RPAP2: variants seen among roughly 807,000 people sequenced by gnomAD.
RPAP2 encodes putative RNA polymerase II subunit B1 CTD phosphatase RPAP2.
In RPAP2, 52 loss-of-function variants were observed where a neutral mutation model predicts 73.1. That is an observed-to-expected ratio of 0.71 (90% CI 0.57 to 0.90). The LOEUF (loss-of-function observed/expected upper bound fraction) is 0.90, where lower values mean the gene tolerates loss of function less well. Among genes scored for constraint, RPAP2 ranks in the 40% least tolerant of loss-of-function variants. The pLI, the probability that RPAP2 is intolerant of heterozygous loss-of-function variation, is 0.00. For synonymous variants in RPAP2, 225 were observed against 242.1 expected, an observed-to-expected ratio of 0.93 and a Z score of 0.65; for missense variants, 598 against 701.8, an observed-to-expected ratio of 0.85 and a Z score of 1.67.
Position 92,336,413 on chromosome 1 carries a change from T to C in RPAP2, c.1605T>C (p.Leu535=), listed in dbSNP as rs1384382029. The part of the protein sequence containing the change: ...LGDIYTQLKN[L]VRTFRLTNRN... ...ATATTTACACACAACTTAAAAATCT[T>C]GTTCGAACTTTCAGGTTAGTGTTTA... The change falls in exon 10 of 13, where the codon CTT becomes CTC. Residue 535 remains leucine (L), a synonymous_variant. Transcript: ENST00000610020. 6.2e-7 allele frequency: 1 copy of C among 1,604,090 alleles called. No homozygotes were observed. The highest frequency in any genetic ancestry group is 8.5e-7 in the Non-Finnish European group (1 of 1,171,564).
chr1:92,397,633 A>C lies in RPAP2; in HGVS notation c.*10622A>C, dbSNP rs1261417847. 2 of 152,170 alleles carry C rather than the reference A, an allele frequency of 1.3e-5. No homozygotes were observed. Among genetic ancestry groups the C allele is most frequent in the Non-Finnish European group, 2.9e-5 (2 of 68,026 alleles). 9.4% of individuals were successfully genotyped at this position (152,170 alleles called of 1,614,324 possible). A position where few individuals can be genotyped will look rare whatever the true frequency, so the allele number is the denominator to read the frequency against. On this transcript the variant is annotated 3_prime_UTR_variant, in exon 13 of 13. Transcript: ENST00000610020. ...CATACACTTCTGCCAAGTTTATGTT[A>C]GTTTGGGAGGACTGAAGCAGAATTC...
At chr1:92,350,715 G>A (rs1351970167) in intron 11 of RPAP2, among the ~76,000 whole-genome samples, 2 of 152,148 alleles carry the variant, frequency 1.3e-5, no homozygotes, top group Non-Finnish European at 2.9e-5. Flanking sequence ...CGAGGCAGGC[G>A]GATCAGTTGA....
chr1:92,371,889 C>CAAA (rs1164408246), intron 11 of RPAP2, among the ~76,000 whole-genome samples: 30 of 92,014 alleles, frequency 3.3e-4, no homozygotes, highest in African/African-American at 7.4e-4. Flanking sequence ...GACCCTGTCT[C>CAAA]AAAAAAAAAA....
chr1:92,366,848 C>T (rs1440547098), intron 11 of RPAP2, among the ~76,000 whole-genome samples: 1 of 152,014 alleles, frequency 6.6e-6, no homozygotes, highest in Non-Finnish European at 1.5e-5. Context: ...CATTTTGACC[C>T]TTGGTGTTAC....
In RPAP2 at chr1:92,393,758, AAATC is replaced by A. The variant is rs1656113283; in HGVS notation, c.*6750_*6753del. ...TCATCACTAGTCATTAGAGAAATGAAAATCAAAACCACAGTGAGATACCATCTCA... is the reference window on the plus strand; with the variant it reads ...TCATCACTAGTCATTAGAGAAATGAAAAAACCACAGTGAGATACCATCTCA... On this transcript the variant is annotated 3_prime_UTR_variant, in exon 13 of 13. Transcript: ENST00000610020. 6.6e-6 allele frequency: 1 copy of A among 152,238 alleles called. No individual in the cohort carries two copies. The highest frequency in any genetic ancestry group is 1.5e-5 in the Non-Finnish European group (1 of 68,052). 9.4% of individuals were successfully genotyped at this position (152,238 alleles called of 1,614,324 possible).
intron 6 of RPAP2, among the ~76,000 whole-genome samples, chr1:92,313,324 G>C (rs1325858629): frequency 1.3e-5 from 2 of 152,004 alleles, no homozygotes; most frequent in African/African-American, 4.8e-5. Context: ...TTGACCCATG[G>C]GCTGCAGAAT....
chr1:92,382,514 T>C (rs1241868837), intron 12 of RPAP2, among the ~76,000 whole-genome samples: 2 of 152,194 alleles, frequency 1.3e-5, no homozygotes, highest in Non-Finnish European at 2.9e-5. Flanking sequence ...ATTTCTCTGA[T>C]GGCCAGTGAT....
chr1:92,340,370 A>G (rs998946459), intron 10 of RPAP2, among the ~76,000 whole-genome samples: 19 of 152,218 alleles, frequency 1.2e-4, no homozygotes, highest in Admixed American at 1.2e-3. Flanking sequence ...TAGGGCTGCC[A>G]GGTGAAGCTT....
At position 92,333,196 on chromosome 1, in the gene RPAP2, C is replaced by G. The variant is rs551740626; in HGVS notation, c.1456-195C>G. ...GAGAAAACTGACTCTCCAAAGAGGG[C>G]AAATGACTCAAAGAAGTTCACAACA... On this transcript the variant is annotated intron_variant, in intron 8 of 12. Transcript: ENST00000610020. 6.7e-5 allele frequency: 35 copies of G among 524,370 alleles called. 3 individuals are homozygous for G. In the South Asian group the frequency reaches 1.0e-3, roughly 16 times the overall value. The allele number at this position is 524,370 out of a possible 1,614,324, so 32.5% of individuals were successfully genotyped here.
chr1:92,374,912 T>C (rs564130990), intron 11 of RPAP2, among the ~76,000 whole-genome samples: 59 of 152,180 alleles, frequency 3.9e-4, no homozygotes, highest in Non-Finnish European at 6.6e-4. Context: ...AAATCGCCTC[T>C]AAAGAGCTTA....
At chr1:92,377,099 T>C (rs1655411218) in intron 11 of RPAP2, among the ~76,000 whole-genome samples, 1 of 152,182 alleles carries the variant, frequency 6.6e-6, no homozygotes, top group African/African-American at 2.4e-5. Context: ...AGTATCCCAT[T>C]TGAGTTTTGT....
At chr1:92,335,036 C>A (rs543360789) in intron 9 of RPAP2, among the ~76,000 whole-genome samples, 1 of 152,014 alleles carries the variant, frequency 6.6e-6, no homozygotes, top group South Asian at 2.1e-4. Context: ...GGGGCTACTA[C>A]TCAGGAGGCT....
In RPAP2 at chr1:92,300,199, A is replaced by G. The variant is rs139939334; in HGVS notation, c.79A>G (p.Lys27Glu). ...TGACTGTATTTTTATTGTAGGTACT[A>G]AACAGACAAGTACTTTGAAACAAGA... ...PRCSRKAAGT[K>E]QTSTLKQEDA... The change falls in exon 2 of 13, where the codon AAA (lysine) becomes GAA (glutamate). Residue 27 changes from lysine (K) to glutamate (E), a missense_variant. Transcript: ENST00000610020. 3.6e-5 allele frequency: 58 copies of G among 1,608,346 alleles called. No individual in the cohort carries two copies. The highest frequency in any genetic ancestry group is 5.4e-5 in the African/African-American group (4 of 74,718).
Position 92,323,386 on chromosome 1 carries a change from T to G in RPAP2, c.525-59T>G, listed in dbSNP as rs913638938. ...TATGGGGTACTTTACTTTTCTATTG[T>G]TTTCGGGTTTTATTTGCTATTTTTT... On this transcript the variant is annotated intron_variant, in intron 7 of 12. Coordinates refer to ENST00000610020, the MANE Select transcript of RPAP2 (RefSeq NM_024813.3). 4.8e-6 allele frequency: 6 copies of G among 1,261,234 alleles called. No individual in the cohort carries two copies. In the African/African-American group the frequency reaches 7.5e-5, roughly 16 times the overall value. 78.1% of individuals were successfully genotyped at this position (1,261,234 alleles called of 1,614,324 possible).
intron 10 of RPAP2, among the ~76,000 whole-genome samples, chr1:92,338,162 A>G (rs1653382653): frequency 6.6e-6 from 1 of 152,138 alleles, no homozygotes; most frequent in Non-Finnish European, 1.5e-5. Flanking sequence ...CATTTTATCT[A>G]GGATGTTTAT....
At chr1:92,370,531 A>T (rs1456771643) in intron 11 of RPAP2, among the ~76,000 whole-genome samples, 4 of 152,234 alleles carry the variant, frequency 2.6e-5, no homozygotes, top group Non-Finnish European at 4.4e-5. Flanking sequence ...TAGATTATAT[A>T]TGAGAAACAG....
intron 11 of RPAP2, among the ~76,000 whole-genome samples, chr1:92,355,162 A>AT (rs1407049353): frequency 6.6e-6 from 1 of 151,880 alleles, no homozygotes; most frequent in Non-Finnish European, 1.5e-5. Flanking sequence ...TATGTCATTA[A>AT]TTTTTATTTA....
chr1:92,317,679 A>C lies in RPAP2; in HGVS notation c.489-2920A>C, dbSNP rs115856783. ...ATGCTACTGAACTATATACCTAAAA[A>C]TGTATTAAACGGTAAATTTTACCAC... On this transcript the variant is annotated intron_variant, in intron 6 of 12. Coordinates refer to ENST00000610020, the MANE Select transcript of RPAP2 (RefSeq NM_024813.3). Among the ~76,000 whole-genome samples, 905 of 152,262 alleles carry C rather than the reference A, an allele frequency of 5.9e-3. 8 individuals carry two copies. The highest frequency in any genetic ancestry group is 0.019 in the African/African-American group (797 of 41,524).
chr1:92,317,874 T>A (rs905669794), intron 6 of RPAP2, among the ~76,000 whole-genome samples: 1 of 152,228 alleles, frequency 6.6e-6, no homozygotes. Context: ...CAGTAATGTT[T>A]ATATATTTTG....
Sources: allele counts gnomAD v4.1 joint callset (sites outside exome capture counted in the v4.1 genomes callset), GRCh38; gene constraint gnomAD v4.1.1; transcripts MANE v1.5; gene names NCBI Gene and HGNC (gene_info 2026-07-23, HGNC 2026-07-21).